PCDH7: variants seen among roughly 807,000 people sequenced by gnomAD.
PCDH7 encodes the protein protocadherin 7.
Under a neutral mutation model 58.9 loss-of-function variants are expected in PCDH7, and 17 were observed. That is an observed-to-expected ratio of 0.29 (90% confidence interval 0.20 to 0.43). The LOEUF is 0.43. Among genes scored for constraint, PCDH7 ranks in the 20% least tolerant of loss-of-function variants. PCDH7 has a pLI of 1.00. For missense variants in PCDH7, 1,274 were observed against 1,441.0 expected (o/e 0.88, Z 1.88); for synonymous variants, 664 against 616.4 (o/e 1.08, Z -1.14).
chr4:30,755,689 A>C (rs1396942747), intron 1 of PCDH7, among the ~76,000 whole-genome samples: 1 of 152,124 alleles, frequency 6.6e-6, no homozygotes, highest in Non-Finnish European at 1.5e-5. Flanking sequence ...TAATTGATGA[A>C]GAAAAGAGGT....
intron 1 of PCDH7, among the ~76,000 whole-genome samples, chr4:30,777,475 T>C (rs1393753455): frequency 6.6e-6 from 1 of 152,178 alleles, no homozygotes; most frequent in Non-Finnish European, 1.5e-5. Context: ...TTGCTGATTA[T>C]CATTTACGTC....
Position 30,997,720 on chromosome 4 carries a change from A to G in PCDH7, c.*7+47505A>G, listed in dbSNP as rs562214830. On this transcript the variant is annotated intron_variant, in intron 3 of 3. Transcript: ENST00000509759. ...CTTTAGTACAGTTTGGCATTAGCAT[A>G]GCGTGTTGGAGGTGATAATATATGC... Among the ~76,000 whole-genome samples the G allele has an allele frequency of 5.1e-4, 78 of 152,264 alleles. 2 individuals carry two copies. The Middle Eastern group carries it at 0.014, about 27-fold the overall frequency.
chr4:31,075,761 T>C (rs1758933787), intron 3 of PCDH7, among the ~76,000 whole-genome samples: 1 of 152,222 alleles, frequency 6.6e-6, no homozygotes, highest in Non-Finnish European at 1.5e-5. Flanking sequence ...ACTAGGAATG[T>C]GATTTATCAA....
chr4:30,989,233 G>T (rs939046535), intron 3 of PCDH7, among the ~76,000 whole-genome samples: 2 of 150,928 alleles, frequency 1.3e-5, no homozygotes, highest in Admixed American at 1.3e-4. Flanking sequence ...CACAAGAATG[G>T]TGTAAATATC....
At chr4:30,782,615 G>A (rs2109290547) in intron 1 of PCDH7, among the ~76,000 whole-genome samples, 1 of 152,254 alleles carries the variant, frequency 6.6e-6, no homozygotes, top group East Asian at 1.9e-4. Context: ...TTTAATATAA[G>A]TTTTCCATGA....
At chr4:30,776,684 C>G (rs542952081) in intron 1 of PCDH7, among the ~76,000 whole-genome samples, 14 of 152,190 alleles carry the variant, frequency 9.2e-5, no homozygotes, top group African/African-American at 3.4e-4. Flanking sequence ...GTTGGGGAGA[C>G]TATCATTTTC....
intron 1 of PCDH7, among the ~76,000 whole-genome samples, chr4:30,908,674 G>A (rs1741321468): frequency 6.6e-6 from 1 of 152,126 alleles, no homozygotes; most frequent in African/African-American, 2.4e-5. Context: ...CCCAGGACCA[G>A]AAGGATTCAC....
In PCDH7 at chr4:30,790,833, G is replaced by A. The variant is rs367607828; in HGVS notation, c.70+66237G>A. On this transcript the variant is annotated intron_variant, in intron 1 of 3. Coordinates refer to the PCDH7 transcript ENST00000509759. ...CAGCTCTCAGGAGGCTGAGGTGGGA[G>A]GATTGCTTGAGCCTGGGAGGTCAAG... 1.5e-4 allele frequency among the ~76,000 whole-genome samples: 23 copies of A among 152,064 alleles called. 1 individual carries two copies. In the East Asian group the frequency reaches 1.5e-3, roughly 10 times the overall value.
Position 30,722,727 on chromosome 4 carries a change from C to G in PCDH7, c.1305C>G (p.Asp435Glu), listed in dbSNP as rs756142849. The change falls in exon 1 of 2, where the codon GAC becomes GAG. Residue 435 changes from aspartate to glutamate, a missense_variant. Physicochemically the swap from Asp to Glu is conservative, Grantham distance 45 (BLOSUM62 2). This residue lies in a region of PCDH7 where 731 missense variants were observed against 881.9 expected (regional missense o/e 0.83). Transcript: ENST00000361762. This position sits in a 1 kb window ranked among gnomAD's most constrained non-coding sequence, Gnocchi z 7.6. ...ACGGGGTGGCCAACGTGGCCGAGGA[C>G]GTTCTGGTCGACACCCCCATCGCTC... 6.2e-7 allele frequency: 1 copy of G among 1,613,520 alleles called. No individual in the cohort carries two copies. Among genetic ancestry groups the G allele is most frequent in the South Asian group, 1.1e-5 (1 of 91,076 alleles).
intron 3 of PCDH7, among the ~76,000 whole-genome samples, chr4:31,094,578 A>G (rs774439681): frequency 7.2e-5 from 11 of 152,216 alleles, no homozygotes; most frequent in Non-Finnish European, 1.5e-4. Flanking sequence ...TTTGTGATCA[A>G]CAGAAGCAAA....
chr4:31,109,902 A>C (rs1470020618), intron 3 of PCDH7, among the ~76,000 whole-genome samples: 2 of 152,188 alleles, frequency 1.3e-5, no homozygotes, highest in African/African-American at 4.8e-5. Context: ...TTACAATCTA[A>C]CCTTGACTTC....
intron 3 of PCDH7, among the ~76,000 whole-genome samples, chr4:30,989,792 C>T (rs963846891): frequency 5.9e-5 from 9 of 152,038 alleles, no homozygotes; most frequent in African/African-American, 9.7e-5. Context: ...TGACACCCTT[C>T]CCCACCAAAA....
At chr4:30,933,954 A>G (rs548451827) in intron 2 of PCDH7, among the ~76,000 whole-genome samples, 1 of 152,336 alleles carries the variant, frequency 6.6e-6, no homozygotes, top group South Asian at 2.1e-4. Context: ...TAATCTTTCA[A>G]TAGGTAACTG....
intron 1 of PCDH7, among the ~76,000 whole-genome samples, chr4:30,802,958 G>A (rs1165684544): frequency 2.6e-5 from 4 of 152,100 alleles, no homozygotes; most frequent in African/African-American, 7.2e-5. Flanking sequence ...TAATGGGATT[G>A]GCAAGGCAGC....
chr4:31,071,800 G>A (rs1021060815), intron 3 of PCDH7, among the ~76,000 whole-genome samples: 2 of 152,108 alleles, frequency 1.3e-5, no homozygotes, highest in Non-Finnish European at 2.9e-5. Flanking sequence ...CAGGAATACA[G>A]CATTGAGAAA....
intron 1 of PCDH7, among the ~76,000 whole-genome samples, chr4:30,876,414 CTG>C (rs1736291370): frequency 6.6e-6 from 1 of 151,916 alleles, no homozygotes; most frequent in Non-Finnish European, 1.5e-5. Context: ...AGTAAAAACA[CTG>C]TAAAAATTTT....
intron 1 of PCDH7, among the ~76,000 whole-genome samples, chr4:30,876,991 A>G (rs779060508): frequency 6.6e-6 from 1 of 151,954 alleles, no homozygotes; most frequent in Non-Finnish European, 1.5e-5. Context: ...ATAATTTATA[A>G]TATCTCCCGC....
At chr4:31,034,863 G>C (rs1479111434) in intron 3 of PCDH7, among the ~76,000 whole-genome samples, 1 of 152,166 alleles carries the variant, frequency 6.6e-6, no homozygotes. Context: ...CTAGTCAGCA[G>C]TTAGTCTTGG....
intron 3 of PCDH7, among the ~76,000 whole-genome samples, chr4:31,031,874 G>A (rs778891198): frequency 6.6e-6 from 1 of 152,050 alleles, no homozygotes. Context: ...TCTAACTTAA[G>A]CCTTTCATGA....
Sources: gnomAD v4.1 joint callset for allele counts (sites outside exome capture counted in the v4.1 genomes callset) on GRCh38, gnomAD v4.1.1 for gene constraint, gnomAD v4.1.1 regional missense constraint, Gnocchi (gnomAD v3.1) non-coding constraint, MANE v1.5 for transcripts, NCBI Gene and HGNC (gene_info 2026-07-23, HGNC 2026-07-21) for gene names.